Variants in ANO3 observed in about 807,000 individuals in gnomAD.
ANO3 encodes anoctamin-3.
In ANO3, 99 loss-of-function variants were observed where a neutral mutation model predicts 144.8. That is an observed-to-expected ratio of 0.68 (90% CI 0.58 to 0.81). The LOEUF is 0.81. Among genes scored for constraint, ANO3 ranks in the 30% least tolerant of loss-of-function variants. ANO3 has a pLI of 0.00. For synonymous variants in ANO3, 414 were observed against 392.6 expected (o/e 1.05, Z -0.64); for missense variants, 905 against 1,202.2 (o/e 0.75, Z 3.66).
At chr11:26,202,669 G>A (rs1321494699) in intron 1 of ANO3, among the ~76,000 whole-genome samples, 1 of 151,628 alleles carries the variant, frequency 6.6e-6, no homozygotes, top group African/African-American at 2.4e-5. Context: ...TGAAGTCCAG[G>A]TAAAGGGAAT....
At chr11:26,293,538 T>C (rs1375936538) in intron 1 of ANO3, among the ~76,000 whole-genome samples, 1 of 87,032 alleles carries the variant, frequency 1.1e-5, no homozygotes, top group African/African-American at 4.1e-5. Context: ...TCCATGTATA[T>C]ATATATATAT....
chr11:26,431,215 A>G (rs1858078553), intron 1 of ANO3, among the ~76,000 whole-genome samples: 1 of 152,248 alleles, frequency 6.6e-6, no homozygotes, highest in Non-Finnish European at 1.5e-5. Context: ...CTAAAAATGT[A>G]GGAAAATGTC....
intron 14 of ANO3, among the ~76,000 whole-genome samples, chr11:26,564,732 CAT>C (rs66510170): frequency 2.8e-3 from 71 of 25,378 alleles, no homozygotes; most frequent in East Asian, 9.8e-3. Flanking sequence ...CACACACACA[CAT>C]ATATATATAT....
chr11:26,211,455 G>A (rs913603197), intron 1 of ANO3, among the ~76,000 whole-genome samples: 1 of 151,956 alleles, frequency 6.6e-6, no homozygotes, highest in Admixed American at 6.6e-5. Context: ...ATGAACATAT[G>A]AAAAAATGTT....
At chr11:26,301,470 A>C (rs368373794) in intron 1 of ANO3, among the ~76,000 whole-genome samples, 1 of 152,352 alleles carries the variant, frequency 6.6e-6, no homozygotes, top group South Asian at 2.1e-4. Context: ...CCAGTTGGCC[A>C]CTCACTGAAC....
At position 26,560,885 on chromosome 11, in the gene ANO3, G is replaced by T. The variant is rs1850261574; in HGVS notation, c.1447+1106G>T. The T allele has an allele frequency of 5.4e-6, 3 of 556,232 alleles. No individual in the cohort carries two copies. In the East Asian group the frequency reaches 1.0e-4, roughly 19 times the overall value. The allele number at this position is 556,232 out of a possible 1,614,324, so 34.5% of individuals were successfully genotyped here. A position where few individuals can be genotyped will look rare whatever the true frequency, so the allele number is the denominator to read the frequency against. On this transcript the variant is annotated intron_variant, in intron 14 of 26. Coordinates refer to ENST00000256737, the MANE Select transcript of ANO3 (RefSeq NM_031418.4). ...GCCTCAGGATGGCCAAAAATTGTAA[G>T]AAAGAAAACCTTTGGATGATACATC...
Position 26,376,134 on chromosome 11 carries a change from A to G in ANO3, c.46+43813A>G, listed in dbSNP as rs544219509. Among the ~76,000 whole-genome samples the G allele has an allele frequency of 1.2e-3, 180 of 152,310 alleles. 1 individual carries two copies. Among genetic ancestry groups the G allele is most frequent in the Admixed American group, 3.0e-3 (46 of 15,290 alleles). ...CATTTCATCTTGAATGTCAAAGAGC[A>G]TGTATTTGATTACCAAATGATAAGA... On this transcript the variant is annotated intron_variant, in intron 1 of 26. Coordinates refer to ENST00000256737, the MANE Select transcript of ANO3 (RefSeq NM_031418.4).
At chr11:26,657,704 A>C (rs1025991952) in intron 26 of ANO3, among the ~76,000 whole-genome samples, 2 of 152,034 alleles carry the variant, frequency 1.3e-5, no homozygotes, top group African/African-American at 4.8e-5. Context: ...TATTAATTTG[A>C]GTGTTCTTTT....
chr11:26,314,170 T>A (rs1854569505), intron 1 of ANO3, among the ~76,000 whole-genome samples: 1 of 152,148 alleles, frequency 6.6e-6, no homozygotes, highest in Non-Finnish European at 1.5e-5. Context: ...CATGCCATGT[T>A]TTCCGTCTTA....
At chr11:26,299,977 T>C (rs1201709770) in intron 1 of ANO3, among the ~76,000 whole-genome samples, 2 of 151,928 alleles carry the variant, frequency 1.3e-5, no homozygotes, top group African/African-American at 2.4e-5. Flanking sequence ...GAAGACAGGG[T>C]TTGAAATGAG....
At chr11:26,370,434 G>A (rs549257256) in intron 1 of ANO3, among the ~76,000 whole-genome samples, 1 of 152,242 alleles carries the variant, frequency 6.6e-6, no homozygotes. Flanking sequence ...CCAGCAACAT[G>A]AGAATGAATA....
intron 1 of ANO3, among the ~76,000 whole-genome samples, chr11:26,294,574 A>G (rs1433535621): frequency 6.6e-6 from 1 of 152,176 alleles, no homozygotes; most frequent in Admixed American, 6.5e-5. Context: ...GAAGAAACCA[A>G]GGGTCAGTAG....
At chr11:26,527,582 C>T (rs1849196135) in intron 7 of ANO3, among the ~76,000 whole-genome samples, 3 of 151,986 alleles carry the variant, frequency 2.0e-5, no homozygotes, top group Non-Finnish European at 4.4e-5. Context: ...TCAAACGTGG[C>T]CATTTAGTTT....
chr11:26,615,414 A>ATATATATATATTTTTT (rs1352935016), intron 17 of ANO3, among the ~76,000 whole-genome samples: 15 of 130,682 alleles, frequency 1.1e-4, no homozygotes, highest in African/African-American at 4.5e-4. Flanking sequence ...ATATATATAT[A>ATATATATATATTTTTT]TTTTTTTTTT....
chr11:26,338,020 C>T (rs1855237282), intron 1 of ANO3, among the ~76,000 whole-genome samples: 1 of 152,054 alleles, frequency 6.6e-6, no homozygotes, highest in Non-Finnish European at 1.5e-5. Context: ...GAGATTGACC[C>T]CTGTCACCAC....
intron 1 of ANO3, among the ~76,000 whole-genome samples, chr11:26,190,196 T>C (rs1851449042): frequency 6.6e-6 from 1 of 152,150 alleles, no homozygotes; most frequent in Non-Finnish European, 1.5e-5. Context: ...CTTTGTCACA[T>C]GAAAAATCTT....
At chr11:26,463,813 G>A (rs192234744) in intron 4 of ANO3, among the ~76,000 whole-genome samples, 4 of 151,778 alleles carry the variant, frequency 2.6e-5, no homozygotes, top group East Asian at 1.9e-4. Context: ...AATGGATGCT[G>A]CTTCTTTTCA....
chr11:26,647,642 T>C, intron 23 of ANO3, 67 bp from the exon 24 acceptor site: 1 of 1,453,304 alleles, frequency 6.9e-7, no homozygotes, highest in Non-Finnish European at 9.4e-7. Flanking sequence ...ATTTCCAAAA[T>C]AAGATTAATT....
intron 1 of ANO3, among the ~76,000 whole-genome samples, chr11:26,248,887 T>G (rs7101838): frequency 0.37 from 56,172 of 151,922 alleles, 10,577 homozygotes; most frequent in South Asian, 0.39. Flanking sequence ...GATCACATTA[T>G]ATTCAAATAG....
Sources: gnomAD v4.1 joint callset for allele counts (sites outside exome capture counted in the v4.1 genomes callset) on GRCh38, gnomAD v4.1.1 for gene constraint, MANE v1.5 for transcripts, NCBI Gene and HGNC (gene_info 2026-07-23, HGNC 2026-07-21) for gene names.